Variants in CDH18 observed in about 807,000 individuals in gnomAD.
CDH18 encodes the protein cadherin 18.
CDH18 carries 31 observed loss-of-function variants against 67.9 expected under a neutral mutation model. That is an observed-to-expected ratio of 0.46 (90% CI 0.34 to 0.62). The LOEUF is 0.62. Among genes scored for constraint, CDH18 ranks in the 20% least tolerant of loss-of-function variants. CDH18 has a pLI of 0.01. For missense variants in CDH18, 890 were observed against 975.5 expected, an observed-to-expected ratio of 0.91 and a Z score of 1.17; for synonymous variants, 362 against 347.2, an observed-to-expected ratio of 1.04 and a Z score of -0.48.
intron 5 of CDH18, among the ~76,000 whole-genome samples, chr5:19,699,704 T>C (rs896194405): frequency 2.6e-5 from 4 of 151,594 alleles, no homozygotes; most frequent in Admixed American, 6.6e-5. Context: ...TGTGAGGACA[T>C]AGCAAGAAAG....
chr5:19,901,356 G>T (rs559856959), intron 2 of CDH18, among the ~76,000 whole-genome samples: 1 of 152,006 alleles, frequency 6.6e-6, no homozygotes, highest in East Asian at 1.9e-4. Context: ...CATTTTTGTT[G>T]CATGACTAGT....
At chr5:20,237,702 A>T (rs1742584555) in intron 2 of CDH18, among the ~76,000 whole-genome samples, 1 of 152,020 alleles carries the variant, frequency 6.6e-6, no homozygotes, top group African/African-American at 2.4e-5. Flanking sequence ...CTCCTGTGTC[A>T]GATGTAACAC....
intron 1 of CDH18, among the ~76,000 whole-genome samples, chr5:20,388,693 C>T (rs1395717030): frequency 6.6e-6 from 1 of 152,090 alleles, no homozygotes; most frequent in Non-Finnish European, 1.5e-5. Context: ...CCTGCTTTCT[C>T]TTGTGGGCAT....
chr5:19,766,911 T>A (rs1773164091), intron 3 of CDH18, among the ~76,000 whole-genome samples: 1 of 152,142 alleles, frequency 6.6e-6, no homozygotes, highest in Non-Finnish European at 1.5e-5. Context: ...ATCTTTTCTT[T>A]TAAAGGTTTC....
intron 1 of CDH18, among the ~76,000 whole-genome samples, chr5:20,512,903 C>T (rs932760882): frequency 2.6e-4 from 38 of 146,480 alleles, no homozygotes; most frequent in African/African-American, 9.1e-4. Context: ...AAAAAAAAAT[C>T]GACTCAGCTC....
chr5:20,474,030 T>C (rs933430112), intron 1 of CDH18, among the ~76,000 whole-genome samples: 1 of 152,196 alleles, frequency 6.6e-6, no homozygotes. Flanking sequence ...AAAAACAAGA[T>C]TGAAATAATT....
At chr5:19,551,795 GTC>G (rs1429428548) in intron 8 of CDH18, among the ~76,000 whole-genome samples, 1 of 152,122 alleles carries the variant, frequency 6.6e-6, no homozygotes, top group Non-Finnish European at 1.5e-5. Flanking sequence ...ATAAACAAGA[GTC>G]TCTATATAAA....
At chr5:20,096,572 AAGGCATGAC>A (rs1203870191) in intron 2 of CDH18, among the ~76,000 whole-genome samples, 2 of 152,132 alleles carry the variant, frequency 1.3e-5, no homozygotes, top group African/African-American at 4.8e-5. Context: ...GAGGAATTAA[AAGGCATGAC>A]AGGCATTAAA....
chr5:19,473,396 G>C lies in CDH18; in HGVS notation c.2203C>G (p.Leu735Val), dbSNP rs765765655. ...LDPSVPPYDS[L>V]QTYAYEGQRS... ...TGACCCTCATAGGCATAAGTCTGAA[G>C]AGAGTCATAAGGGGGAACGCTAGGG... The change falls in exon 13 of 13, where the codon CTT becomes GTT. Residue 735 changes from leucine (L) to valine (V), a missense_variant. By Grantham distance (32) the Leu-to-Val change is conservative. Transcript: ENST00000382275. 1 of 1,613,888 alleles carries C rather than the reference G, an allele frequency of 6.2e-7. No individual in the cohort carries two copies. Among genetic ancestry groups the C allele is most frequent in the Admixed American group, 1.7e-5 (1 of 59,936 alleles).
In CDH18 at chr5:20,501,541, A is replaced by C; in HGVS notation, c.-580+73921T>G. Among the ~76,000 whole-genome samples the C allele has an allele frequency of 4.7e-5, 2 of 42,984 alleles. 1 individual carries two copies. Among genetic ancestry groups the C allele is most frequent in the South Asian group, 1.8e-3 (2 of 1,138 alleles). 28.2% of individuals were successfully genotyped at this position (42,984 alleles called of 152,430 possible). A position where few individuals can be genotyped will look rare whatever the true frequency, so the allele number is the denominator to read the frequency against. ...TATATACATATTATATATATTATAT[A>C]CATATTATATATATAATATATATAT... On this transcript the variant is annotated intron_variant, in intron 1 of 14. Coordinates refer to the CDH18 transcript ENST00000507958.
At chr5:20,317,629 T>A in intron 1 of CDH18, among the ~76,000 whole-genome samples, 1 of 152,172 alleles carries the variant, frequency 6.6e-6, no homozygotes, top group Middle Eastern at 3.2e-3. Context: ...TTAGTTGAAA[T>A]TAGCTTTGAC....
chr5:20,104,055 CTATT>C (rs1489660164), intron 2 of CDH18, among the ~76,000 whole-genome samples: 3 of 149,912 alleles, frequency 2.0e-5, no homozygotes, highest in Non-Finnish European at 4.4e-5. Flanking sequence ...AGATGGTTAT[CTATT>C]TATAGATATA....
At chr5:20,154,123 A>T (rs923013490) in intron 2 of CDH18, among the ~76,000 whole-genome samples, 8 of 152,148 alleles carry the variant, frequency 5.3e-5, no homozygotes, top group African/African-American at 1.9e-4. Context: ...AGTACTCTTA[A>T]CCTTGGAGAG....
At chr5:19,980,909 C>A (rs1245590070) in intron 2 of CDH18, among the ~76,000 whole-genome samples, 151 bp downstream of exon 2, 1 of 152,126 alleles carries the variant, frequency 6.6e-6, no homozygotes, top group Non-Finnish European at 1.5e-5. Flanking sequence ...AATTATTTCG[C>A]TTCTTAGGGA....
chr5:20,009,616 T>C (rs1737226230), intron 2 of CDH18, among the ~76,000 whole-genome samples: 1 of 152,086 alleles, frequency 6.6e-6, no homozygotes, highest in African/African-American at 2.4e-5. Flanking sequence ...CACAATAGTG[T>C]ATTATGTCAA....
chr5:19,902,943 G>C (rs911643067), intron 2 of CDH18, among the ~76,000 whole-genome samples: 9 of 151,998 alleles, frequency 5.9e-5, no homozygotes, highest in Non-Finnish European at 1.2e-4. Context: ...GACATATAGA[G>C]TCTTATGACT....
chr5:20,222,721 T>C (rs192828053), intron 2 of CDH18, among the ~76,000 whole-genome samples: 220 of 152,132 alleles, frequency 1.4e-3, no homozygotes, highest in Non-Finnish European at 1.7e-3. Context: ...AATTAAGAGT[T>C]TGAACTGAGG....
chr5:20,529,456 A>G (rs879878149), intron 1 of CDH18, among the ~76,000 whole-genome samples: 1 of 152,118 alleles, frequency 6.6e-6, no homozygotes, highest in Non-Finnish European at 1.5e-5. Flanking sequence ...CTTTAGGCCA[A>G]TATCCCTGAT....
chr5:20,411,688 G>A (rs1489801096), intron 1 of CDH18, among the ~76,000 whole-genome samples: 2 of 151,124 alleles, frequency 1.3e-5, no homozygotes, highest in Non-Finnish European at 3.0e-5. Flanking sequence ...TGTTGAAAAT[G>A]TTCACAAACT....
Sources: allele counts gnomAD v4.1 joint callset (sites outside exome capture counted in the v4.1 genomes callset), GRCh38; gene constraint gnomAD v4.1.1; transcripts MANE v1.5; gene names NCBI Gene and HGNC (gene_info 2026-07-23, HGNC 2026-07-21).